ELP4: variants seen among roughly 807,000 people sequenced by gnomAD.
The protein encoded by ELP4 is elongator acetyltransferase complex subunit 4, also known as elongator complex protein 4.
In ELP4, 51 loss-of-function variants were observed where a neutral mutation model predicts 48.9. The observed-to-expected ratio is 1.04, with a 90% CI of 0.83 to 1.32. The LOEUF (loss-of-function observed/expected upper bound fraction) is 1.32, where lower values mean the gene tolerates loss of function less well. Among genes scored for constraint, ELP4 ranks in the 40% most tolerant of loss-of-function variants. ELP4 has a pLI of 0.00. For missense variants in ELP4, 519 were observed against 514.6 expected (o/e 1.01, Z -0.08); for synonymous variants, 210 against 189.2 (o/e 1.11, Z -0.90).
intron 9 of ELP4, among the ~76,000 whole-genome samples, chr11:31,660,586 T>TA (rs1293648560): frequency 6.6e-6 from 1 of 152,080 alleles, no homozygotes; most frequent in Non-Finnish European, 1.5e-5. Flanking sequence ...AGAAAATGAT[T>TA]AAAATACATA....
intron 9 of ELP4, among the ~76,000 whole-genome samples, chr11:31,717,683 G>A (rs1229761446): frequency 6.6e-6 from 1 of 151,934 alleles, no homozygotes; most frequent in Non-Finnish European, 1.5e-5. Flanking sequence ...GAACCCAGGA[G>A]GCGGTGGTTG....
At chr11:31,519,734 A>G (rs576118336) in intron 1 of ELP4, among the ~76,000 whole-genome samples, 29 of 152,096 alleles carry the variant, frequency 1.9e-4, no homozygotes, top group African/African-American at 6.3e-4. Context: ...CTGAGGCAGG[A>G]GAATTGCTTG....
At chr11:31,712,178 G>A (rs978123853) in intron 9 of ELP4, among the ~76,000 whole-genome samples, 2 of 151,644 alleles carry the variant, frequency 1.3e-5, no homozygotes, top group Admixed American at 1.3e-4. Flanking sequence ...ACTAACTATG[G>A]CAATACTAGA....
intron 9 of ELP4, among the ~76,000 whole-genome samples, chr11:31,710,196 C>T (rs1946711630): frequency 6.6e-6 from 1 of 152,132 alleles, no homozygotes; most frequent in African/African-American, 2.4e-5. Flanking sequence ...TACTGTTGGC[C>T]AGCATGATCA....
intron 3 of ELP4, among the ~76,000 whole-genome samples, chr11:31,583,070 G>A (rs1288730795): frequency 1.3e-5 from 2 of 152,130 alleles, no homozygotes; most frequent in East Asian, 3.9e-4. Flanking sequence ...AGTTGGTGGA[G>A]GTAGGGGTGG....
chr11:31,583,927 C>A (rs1201945639), intron 3 of ELP4, among the ~76,000 whole-genome samples: 1 of 151,958 alleles, frequency 6.6e-6, no homozygotes, highest in African/African-American at 2.4e-5. Flanking sequence ...CTTTTTCGTT[C>A]ATTTAATTTT....
intron 5 of ELP4, among the ~76,000 whole-genome samples, chr11:31,614,124 ATAGAGT>A (rs1199662187): frequency 6.6e-6 from 1 of 152,160 alleles, no homozygotes; most frequent in Admixed American, 6.6e-5. Flanking sequence ...TTATATTTCC[ATAGAGT>A]TAAAGAGATA....
At chr11:31,677,626 G>A (rs916826021) in intron 9 of ELP4, among the ~76,000 whole-genome samples, 3 of 151,866 alleles carry the variant, frequency 2.0e-5, no homozygotes, top group African/African-American at 7.3e-5. Flanking sequence ...AGGTCTTTAG[G>A]TTATGCCAAT....
chr11:31,519,952 GT>G, intron 1 of ELP4, 103 bp from the exon 2 acceptor site: 2 of 1,043,388 alleles, frequency 1.9e-6, no homozygotes, highest in Non-Finnish European at 1.4e-6. Flanking sequence ...CACAACTACT[GT>G]TTTAAAGTTA....
chr11:31,773,935 C>T (rs1021317554), intron 9 of ELP4, among the ~76,000 whole-genome samples: 1 of 152,160 alleles, frequency 6.6e-6, no homozygotes, highest in Non-Finnish European at 1.5e-5. Context: ...ATCCCAGCTG[C>T]TCAGGAGGCT....
intron 9 of ELP4, among the ~76,000 whole-genome samples, chr11:31,713,477 AAATT>A: frequency 6.6e-6 from 1 of 152,304 alleles, no homozygotes; most frequent in East Asian, 1.9e-4. Context: ...CCAGTAAGTT[AAATT>A]ATTTGTGCTT....
At chr11:31,564,500 G>C (rs1440666229) in intron 3 of ELP4, among the ~76,000 whole-genome samples, 2 of 151,684 alleles carry the variant, frequency 1.3e-5, no homozygotes, top group African/African-American at 4.8e-5. Context: ...ATTTACATTA[G>C]GTATATCTCC....
At chr11:31,645,012 T>C (rs1945173059) in intron 7 of ELP4, among the ~76,000 whole-genome samples, 1 of 151,896 alleles carries the variant, frequency 6.6e-6, no homozygotes, top group African/African-American at 2.4e-5. Context: ...TGCCACATTA[T>C]ACAAATAATT....
intron 9 of ELP4, among the ~76,000 whole-genome samples, chr11:31,720,584 CTT>C (rs1309464545): frequency 6.6e-6 from 1 of 152,066 alleles, no homozygotes; most frequent in African/African-American, 2.4e-5. Flanking sequence ...AACTTTACAA[CTT>C]TTTAAGTTTT....
chr11:31,695,793 A>G (rs372065761), intron 9 of ELP4, among the ~76,000 whole-genome samples: 95,048 of 103,442 alleles, frequency 0.92, 44,364 homozygotes, highest in Non-Finnish European at 1. Flanking sequence ...AATCCATCTG[A>G]TCCTGAGCTT....
intron 3 of ELP4, among the ~76,000 whole-genome samples, chr11:31,565,784 G>C (rs556615859): frequency 9.9e-5 from 15 of 152,182 alleles, no homozygotes; most frequent in Admixed American, 3.9e-4. Flanking sequence ...TAGCCTTGTA[G>C]TATAGTTTGA....
At chr11:31,564,946 C>T (rs945939485) in intron 3 of ELP4, among the ~76,000 whole-genome samples, 22 of 152,140 alleles carry the variant, frequency 1.4e-4, no homozygotes, top group Admixed American at 2.0e-4. Context: ...CCTGAGGAAT[C>T]GCCACACTGT....
intron 9 of ELP4, among the ~76,000 whole-genome samples, chr11:31,746,410 A>G (rs919425113): frequency 6.6e-6 from 1 of 152,226 alleles, no homozygotes; most frequent in African/African-American, 2.4e-5. Flanking sequence ...AGGATTATAA[A>G]TCATGCTGCT....
Position 31,670,972 on chromosome 11 carries a change from A to G in ELP4, c.1143+20751A>G, listed in dbSNP as rs191427105. Among the ~76,000 whole-genome samples the G allele has an allele frequency of 2.0e-3, 306 of 151,836 alleles. 1 individual carries two copies. The highest frequency in any genetic ancestry group is 7.0e-3 in the African/African-American group (291 of 41,484). Reference sequence around the variant, plus strand: ...ATGTGTTTATCACTTAGGAAACATTAAAAAAAAGTGGGTTAGTTATTTTGT... The same window carrying G: ...ATGTGTTTATCACTTAGGAAACATTGAAAAAAAGTGGGTTAGTTATTTTGT... On this transcript the variant is annotated intron_variant, in intron 9 of 9. Transcript: ENST00000640961.
Sources: gnomAD v4.1 joint callset for allele counts (sites outside exome capture counted in the v4.1 genomes callset) on GRCh38, gnomAD v4.1.1 for gene constraint, MANE v1.5 for transcripts, NCBI Gene and HGNC (gene_info 2026-07-23, HGNC 2026-07-21) for gene names.